VAV3: variants seen among roughly 807,000 people sequenced by gnomAD.
The protein encoded by VAV3 is vav guanine nucleotide exchange factor 3.
A neutral mutation model predicts 131.2 loss-of-function variants in VAV3; 94 were observed. The ratio of observed to expected loss-of-function variants is 0.72; its 90% CI spans 0.61 to 0.85. VAV3 has a LOEUF of 0.85. Among genes scored for constraint, VAV3 ranks in the 40% least tolerant of loss-of-function variants. The pLI is 0.00. For missense variants in VAV3, 939 were observed against 1,002.7 expected, an observed-to-expected ratio of 0.94 and a Z score of 0.86; for synonymous variants, 349 against 342.0, an observed-to-expected ratio of 1.02 and a Z score of -0.22.
intron 19 of VAV3, among the ~76,000 whole-genome samples, chr1:107,671,151 C>T (rs1296241617): frequency 1.3e-5 from 2 of 152,190 alleles, no homozygotes; most frequent in Non-Finnish European, 2.9e-5. Context: ...ATCATGTTCA[C>T]GTCCTCTAGA....
At chr1:107,593,449 A>C (rs1181013384) in intron 25 of VAV3, among the ~76,000 whole-genome samples, 1 of 152,124 alleles carries the variant, frequency 6.6e-6, no homozygotes, top group Non-Finnish European at 1.5e-5. Context: ...CTCAGAACAC[A>C]GAATGGTTCC....
intron 2 of VAV3, among the ~76,000 whole-genome samples, chr1:107,862,249 T>C (rs1164979922): frequency 6.6e-6 from 1 of 151,586 alleles, no homozygotes; most frequent in African/African-American, 2.4e-5. Flanking sequence ...CATTGTTTCC[T>C]GTAGTTGTTT....
chr1:107,749,057 G>A lies in VAV3; in HGVS notation c.1413C>T (p.Leu471=). Residue 471 remains leucine, a synonymous_variant, in exon 15 of 27, where the codon CTC becomes CTT. Transcript: ENST00000370056. ...ACCCATTTTGTCCTTGGGTATGGAT[G>A]AGGTAGAAGCCATAAGACCACTGTT... ...ENKKWSYGFY[L]IHTQGQNGLE... The A allele has an allele frequency of 6.2e-7, 1 of 1,608,402 alleles. No homozygotes were observed. The highest frequency in any genetic ancestry group is 8.5e-7 in the Non-Finnish European group (1 of 1,177,136).
intron 2 of VAV3, among the ~76,000 whole-genome samples, chr1:107,802,900 A>T (rs1358788749): frequency 6.7e-6 from 1 of 148,198 alleles, no homozygotes; most frequent in Non-Finnish European, 1.5e-5. Flanking sequence ...TTTTTTTTGA[A>T]GAGTTAGAGT....
At chr1:107,939,672 T>C (rs1431594721) in intron 1 of VAV3, among the ~76,000 whole-genome samples, 1 of 152,180 alleles carries the variant, frequency 6.6e-6, no homozygotes, top group Non-Finnish European at 1.5e-5. Flanking sequence ...AGCATCTTTA[T>C]ATAGTCTGTC....
intron 24 of VAV3, among the ~76,000 whole-genome samples, chr1:107,601,941 A>G (rs538080277): frequency 7.2e-5 from 11 of 152,256 alleles, no homozygotes; most frequent in African/African-American, 2.6e-4. Flanking sequence ...CATGGTAGAG[A>G]TCACTTAAAA....
chr1:107,837,112 C>A (rs1010346324), intron 2 of VAV3, among the ~76,000 whole-genome samples: 1 of 150,628 alleles, frequency 6.6e-6, no homozygotes, highest in Non-Finnish European at 1.5e-5. Flanking sequence ...CAAAAAAAAA[C>A]AAAACGAAAC....
At chr1:107,757,184 TG>T in intron 11 of VAV3, 76 bp downstream of exon 11, 1 of 905,002 alleles carries the variant, frequency 1.1e-6, no homozygotes. Context: ...TGTGTGTGTG[TG>T]TGTATGCAAT....
At chr1:107,827,040 T>A (rs2102377488) in intron 2 of VAV3, among the ~76,000 whole-genome samples, 1 of 152,298 alleles carries the variant, frequency 6.6e-6, no homozygotes, top group East Asian at 1.9e-4. Context: ...TATGCTGTAA[T>A]AGTTTCTCAT....
intron 20 of VAV3, among the ~76,000 whole-genome samples, chr1:107,636,838 G>A (rs1654966327): frequency 1.3e-5 from 2 of 152,112 alleles, no homozygotes; most frequent in South Asian, 4.1e-4. Flanking sequence ...AGGCAGCAAA[G>A]TAGCACTTAG....
chr1:107,956,556 C>T (rs1187730287), intron 1 of VAV3, among the ~76,000 whole-genome samples: 1 of 152,076 alleles, frequency 6.6e-6, no homozygotes, highest in East Asian at 1.9e-4. Context: ...CCTCTATATA[C>T]ACATTAGAAA....
intron 24 of VAV3, among the ~76,000 whole-genome samples, chr1:107,602,045 T>A (rs889060718): frequency 1.3e-5 from 2 of 152,092 alleles, no homozygotes; most frequent in Non-Finnish European, 2.9e-5. Context: ...TAATTACAAC[T>A]TTTTGTGTTA....
chr1:107,888,844 A>G (rs1671164773), intron 1 of VAV3, among the ~76,000 whole-genome samples: 1 of 152,094 alleles, frequency 6.6e-6, no homozygotes. Context: ...TTTTCTGTCT[A>G]TATTTCTACC....
At chr1:107,691,043 G>C (rs1008948949) in intron 17 of VAV3, among the ~76,000 whole-genome samples, 12 of 152,162 alleles carry the variant, frequency 7.9e-5, no homozygotes, top group Admixed American at 2.6e-4. Flanking sequence ...AGAATCTGCT[G>C]AGTTCAGAAA....
Position 107,737,623 on chromosome 1 carries a change from G to A in VAV3, c.1502+11345C>T, listed in dbSNP as rs368228725. On this transcript the variant is annotated intron_variant, in intron 15 of 26. Coordinates refer to ENST00000370056, the MANE Select transcript of VAV3 (RefSeq NM_006113.5). ...GAAAAAATGCTCATCATCACTGGCC[G>A]TCAGAGAAATGCAAATCAAAACCAC... Among the ~76,000 whole-genome samples, 241 of 152,226 alleles carry A rather than the reference G, an allele frequency of 1.6e-3. 1 individual carries two copies. Among genetic ancestry groups the A allele is most frequent in the African/African-American group, 5.5e-3 (227 of 41,540 alleles).
intron 23 of VAV3, among the ~76,000 whole-genome samples, chr1:107,602,719 C>T (rs992730266): frequency 2.0e-5 from 3 of 151,912 alleles, no homozygotes; most frequent in Non-Finnish European, 2.9e-5. Flanking sequence ...TCATTATGCA[C>T]AATTTATTAA....
chr1:107,587,118 C>G (rs1236015221), intron 25 of VAV3, among the ~76,000 whole-genome samples: 1 of 152,082 alleles, frequency 6.6e-6, no homozygotes, highest in African/African-American at 2.4e-5. Flanking sequence ...AGATGTTAAG[C>G]TGTATTGTAT....
rs115877750 is a variant in VAV3 at position 107,895,536 on chromosome 1, T to C, written c.205-20519A>G. On this transcript the variant is annotated intron_variant, in intron 1 of 26. Transcript: ENST00000370056. Reference sequence around the variant, plus strand: ...GATGTTAAATAGTTGCCCAATGTCATACAGCCAATAGTTAGAGGAGGTAGG... The same window carrying C: ...GATGTTAAATAGTTGCCCAATGTCACACAGCCAATAGTTAGAGGAGGTAGG... Among the ~76,000 whole-genome samples, 652 of 152,272 alleles carry C rather than the reference T, an allele frequency of 4.3e-3. 8 individuals are homozygous for C. The highest frequency in any genetic ancestry group is 0.015 in the African/African-American group (620 of 41,542).
chr1:107,961,628 TTAAC>T (rs1344060394), intron 1 of VAV3, among the ~76,000 whole-genome samples: 1 of 152,190 alleles, frequency 6.6e-6, no homozygotes. Flanking sequence ...GTTTACCTCT[TTAAC>T]CTATCATAAA....
Sources: gnomAD v4.1 joint callset for allele counts (sites outside exome capture counted in the v4.1 genomes callset) on GRCh38, gnomAD v4.1.1 for gene constraint, MANE v1.5 for transcripts, NCBI Gene and HGNC (gene_info 2026-07-23, HGNC 2026-07-21) for gene names.